The following RBPMS variants were observed in gnomAD, a reference collection of about 807,000 sequenced individuals.
The protein encoded by RBPMS is RNA-binding protein with multiple splicing.
A neutral mutation model predicts 26.8 loss-of-function variants in RBPMS; 7 were observed. The observed-to-expected ratio is 0.26, with a 90% CI of 0.15 to 0.49. The LOEUF (loss-of-function observed/expected upper bound fraction) is 0.49, where lower values mean the gene tolerates loss of function less well. Among genes scored for constraint, RBPMS ranks in the 20% least tolerant of loss-of-function variants. The pLI, the probability that RBPMS is intolerant of heterozygous loss-of-function variation, is 0.98. For missense variants in RBPMS, 186 were observed against 250.0 expected, an observed-to-expected ratio of 0.74 and a Z score of 1.73; for synonymous variants, 96 against 93.3, an observed-to-expected ratio of 1.03 and a Z score of -0.17.
chr8:30,386,118 C>G (rs1407082382), intron 1 of RBPMS, among the ~76,000 whole-genome samples: 1 of 148,806 alleles, frequency 6.7e-6, no homozygotes, highest in African/African-American at 2.5e-5. Context: ...TGTGTAGATG[C>G]AGGAAAGTGC....
At chr8:30,562,959 TTTG>T (rs1332755764) in intron 7 of RBPMS, among the ~76,000 whole-genome samples, 1 of 152,220 alleles carries the variant, frequency 6.6e-6, no homozygotes, top group Non-Finnish European at 1.5e-5. Flanking sequence ...TAGACAAACA[TTTG>T]TTGTGTCTGC....
intron 1 of RBPMS, among the ~76,000 whole-genome samples, chr8:30,441,234 G>A (rs910450656): frequency 1.3e-5 from 2 of 152,146 alleles, no homozygotes; most frequent in African/African-American, 4.8e-5. Context: ...ATCTGCAAAG[G>A]TAGAGTTAAA....
intron 2 of RBPMS, among the ~76,000 whole-genome samples, chr8:30,475,155 A>G (rs180696102): frequency 6.6e-6 from 1 of 152,294 alleles, no homozygotes; most frequent in Admixed American, 6.5e-5. Context: ...TTATGAACTG[A>G]GTTAAGAACC....
chr8:30,446,906 G>A (rs1813929058), intron 1 of RBPMS: 1 of 151,566 alleles, frequency 6.6e-6, no homozygotes, highest in Admixed American at 6.6e-5. Context: ...TTTGCCCAAG[G>A]TGACTTTATA....
chr8:30,460,446 G>A (rs536378452), intron 1 of RBPMS, among the ~76,000 whole-genome samples: 2 of 152,188 alleles, frequency 1.3e-5, no homozygotes, highest in African/African-American at 2.4e-5. Flanking sequence ...ATGGTTCTTA[G>A]TAGAGAGCTC....
At chr8:30,446,854 C>CGCGCGCGCGCGCGCACGT (rs1554515792) in intron 1 of RBPMS, 24 of 138,064 alleles carry the variant, frequency 1.7e-4, no homozygotes, top group African/African-American at 5.8e-4. Context: ...CGCGCGCGCG[C>CGCGCGCGCGCGCGCACGT]GCGCGGTGGA....
intron 1 of RBPMS, among the ~76,000 whole-genome samples, chr8:30,450,879 C>T (rs1814503857): frequency 6.7e-6 from 1 of 148,410 alleles, no homozygotes; most frequent in South Asian, 2.1e-4. Flanking sequence ...AAAATTACTT[C>T]TCCTTTGCCT....
At chr8:30,431,005 T>G (rs1811863874) in intron 1 of RBPMS, among the ~76,000 whole-genome samples, 1 of 152,220 alleles carries the variant, frequency 6.6e-6, no homozygotes, top group Non-Finnish European at 1.5e-5. Context: ...GAGTGTATTT[T>G]TAATGTATGA....
intron 1 of RBPMS, among the ~76,000 whole-genome samples, chr8:30,450,612 T>G (rs1417077785): frequency 1.3e-5 from 2 of 152,092 alleles, no homozygotes; most frequent in Non-Finnish European, 2.9e-5. Flanking sequence ...GTCTTGGAAT[T>G]CATGACACTT....
chr8:30,413,617 A>G (rs967890409), intron 1 of RBPMS, among the ~76,000 whole-genome samples: 1 of 151,658 alleles, frequency 6.6e-6, no homozygotes, highest in African/African-American at 2.4e-5. Context: ...TTAGAACATT[A>G]TTTCTTTTTT....
chr8:30,433,095 G>A (rs570100720), intron 1 of RBPMS, among the ~76,000 whole-genome samples: 1 of 152,212 alleles, frequency 6.6e-6, no homozygotes, highest in South Asian at 2.1e-4. Context: ...AATAGCCAGC[G>A]GCCTCACTCC....
intron 1 of RBPMS, among the ~76,000 whole-genome samples, chr8:30,414,582 A>G (rs770447532): frequency 2.6e-5 from 4 of 152,160 alleles, no homozygotes; most frequent in Non-Finnish European, 5.9e-5. Context: ...GATCAGTACT[A>G]ATCCGTCACC....
At chr8:30,408,502 C>T (rs1179069608) in intron 1 of RBPMS, among the ~76,000 whole-genome samples, 1 of 152,100 alleles carries the variant, frequency 6.6e-6, no homozygotes, top group African/African-American at 2.4e-5. Context: ...ACATTCCAGC[C>T]TGGGCAACAG....
chr8:30,462,256 C>T (rs183540324), intron 1 of RBPMS, among the ~76,000 whole-genome samples: 9 of 152,246 alleles, frequency 5.9e-5, no homozygotes, highest in Non-Finnish European at 1.2e-4. Context: ...TGTTTCTCTG[C>T]ATCTTTGCCA....
chr8:30,550,202 C>T (rs557414558), intron 6 of RBPMS, among the ~76,000 whole-genome samples: 9 of 152,160 alleles, frequency 5.9e-5, no homozygotes, highest in African/African-American at 2.2e-4. Flanking sequence ...CAGGAGAGCT[C>T]TGCGGGGCTT....
In RBPMS at chr8:30,550,609, C is replaced by T. The variant is rs372579042; in HGVS notation, c.528+5985C>T. ...CTCACGGCTGGAGCCAAATGGAAGA[C>T]TGGAAAGCATGAATGAATGACGGGA... On this transcript the variant is annotated intron_variant, in intron 6 of 8. Transcript: ENST00000397323. Among the ~76,000 whole-genome samples, 369 of 152,284 alleles carry T rather than the reference C, an allele frequency of 2.4e-3. 18 individuals carry two copies. The South Asian group carries it at 0.064, about 26-fold the overall frequency.
chr8:30,417,399 G>A (rs186004847), intron 1 of RBPMS, among the ~76,000 whole-genome samples: 4 of 152,250 alleles, frequency 2.6e-5, no homozygotes, highest in East Asian at 3.9e-4. Flanking sequence ...TGAAATCAAC[G>A]TGGAGATGTC....
chr8:30,517,235 T>A (rs1000456909), intron 5 of RBPMS, among the ~76,000 whole-genome samples: 9 of 144,892 alleles, frequency 6.2e-5, no homozygotes, highest in African/African-American at 1.3e-4. Context: ...TGTGTGTGTG[T>A]GTGAAATACC....
At chr8:30,514,031 T>C (rs1040617930) in intron 5 of RBPMS, among the ~76,000 whole-genome samples, 30 of 152,212 alleles carry the variant, frequency 2.0e-4, no homozygotes, top group Admixed American at 7.9e-4. Flanking sequence ...GTAGTGGACA[T>C]AACTACTGGC....
Sources: allele counts gnomAD v4.1 joint callset (sites outside exome capture counted in the v4.1 genomes callset), GRCh38; gene constraint gnomAD v4.1.1; transcripts MANE v1.5; gene names NCBI Gene and HGNC (gene_info 2026-07-23, HGNC 2026-07-21).